PTPRA: variants seen among roughly 807,000 people sequenced by gnomAD.
PTPRA encodes protein tyrosine phosphatase receptor type A, also known as receptor-type tyrosine-protein phosphatase alpha.
Under a neutral mutation model 104.8 loss-of-function variants are expected in PTPRA, and 25 were observed. The observed-to-expected ratio is 0.24, with a 90% CI of 0.17 to 0.33. The LOEUF (loss-of-function observed/expected upper bound fraction) is 0.33, where lower values mean the gene tolerates loss of function less well. PTPRA is among the 10% of genes least tolerant of loss of function. The probability of loss-of-function intolerance (pLI) is 1.00; values close to 1 mark genes in which losing one functional copy is unlikely to be tolerated. For synonymous variants in PTPRA, 323 were observed against 368.9 expected, an observed-to-expected ratio of 0.88 and a Z score of 1.43; for missense variants, 765 against 1,015.3, an observed-to-expected ratio of 0.75 and a Z score of 3.35.
At chr20:3,002,493 AT>A (rs1439802306) in intron 9 of PTPRA, among the ~76,000 whole-genome samples, 4 of 151,852 alleles carry the variant, frequency 2.6e-5, no homozygotes, top group African/African-American at 9.7e-5. Context: ...TACCTGGCTA[AT>A]TTTTTGTATT....
At chr20:3,001,398 GA>G (rs1350520681) in intron 9 of PTPRA, among the ~76,000 whole-genome samples, 2 of 152,222 alleles carry the variant, frequency 1.3e-5, no homozygotes, top group African/African-American at 4.8e-5. Context: ...TAGGGATGCT[GA>G]TAGGGCTGTG....
rs2148435776 is a variant in PTPRA, at chr20:3,022,417, C to T, written c.1328+197C>T. 6.6e-6 allele frequency among the ~76,000 whole-genome samples: 1 copy of T among 152,256 alleles called. No individual in the cohort carries two copies. The highest frequency in any genetic ancestry group is 2.1e-4 in the South Asian group (1 of 4,828). Reference sequence around the variant, plus strand: ...ACTTGAGGAAGGAGGGTAGGGCAGTCCTCCAAGATTAGGAGTTGGGAGACC... The same window carrying T: ...ACTTGAGGAAGGAGGGTAGGGCAGTTCTCCAAGATTAGGAGTTGGGAGACC... On this transcript the variant is annotated intron_variant, in intron 15 of 23. Transcript: ENST00000399903. The surrounding 1 kb of genome is among the most constrained non-coding windows in gnomAD (Gnocchi z 4.6).
the PTPRA span, chr20:2,864,375 G>C: frequency 6.2e-7 from 1 of 1,614,220 alleles, no homozygotes; most frequent in Non-Finnish European, 8.5e-7. This position sits in a 1 kb window ranked among gnomAD's most constrained non-coding sequence, Gnocchi z 5.2. Context: ...TGTTCACGGT[G>C]TTGCTGCACC....
chr20:2,864,356 C>T, the PTPRA span: 3 of 1,614,158 alleles, frequency 1.9e-6, no homozygotes, highest in South Asian at 3.3e-5. The surrounding 1 kb of genome is among the most constrained non-coding windows in gnomAD (Gnocchi z 5.2). Context: ...CCACCTTACT[C>T]TCCTGCAGTG....
chr20:2,942,426 T>A (rs1409424569), intron 2 of PTPRA, among the ~76,000 whole-genome samples: 1 of 152,146 alleles, frequency 6.6e-6, no homozygotes, highest in Non-Finnish European at 1.5e-5. Flanking sequence ...ATTTTCAACT[T>A]TTCTATATCC....
In PTPRA at chr20:2,954,575, G is replaced by C. The variant is rs370407759; in HGVS notation, c.-7+6551G>C. Among the ~76,000 whole-genome samples, 37 of 152,278 alleles carry C rather than the reference G, an allele frequency of 2.4e-4. 1 individual carries two copies. The South Asian group carries it at 7.2e-3, about 30-fold the overall frequency. On this transcript the variant is annotated intron_variant, in intron 3 of 23. Transcript: ENST00000399903. The stretch of plus-strand genomic sequence containing the variant: ...TTTTTGTTGTTGTTGAGTTGTAGGA[G>C]CTCTTTGTATATTCTGCATTTCGGT...
At chr20:2,865,021 C>T in the PTPRA span, 37 of 1,614,028 alleles carry the variant, frequency 2.3e-5, no homozygotes, top group South Asian at 4.1e-4. The surrounding 1 kb of genome is among the most constrained non-coding windows in gnomAD (Gnocchi z 5.2). Flanking sequence ...GCCGCCGATG[C>T]CTTCTACAAG....
intron 2 of PTPRA, among the ~76,000 whole-genome samples, chr20:2,936,896 A>G (rs917291256): frequency 2.0e-5 from 3 of 151,882 alleles, no homozygotes; most frequent in African/African-American, 4.8e-5. Context: ...TGTTTCATTC[A>G]TTATTTTTGT....
At position 2,980,442 on chromosome 20, in the gene PTPRA, T is replaced by C. The variant is rs139612868; in HGVS notation, c.442+5201T>C. On this transcript the variant is annotated intron_variant, in intron 6 of 23. Coordinates refer to ENST00000399903, the MANE Select transcript of PTPRA (RefSeq NM_001385305.1). ...ACTTAGCCAGGCCTGCAGTTCCAGC[T>C]ACTAGGGAGGCTAAGGTGTGAGGAT... 1.3e-4 allele frequency among the ~76,000 whole-genome samples: 19 copies of C among 151,900 alleles called. No individual in the cohort carries two copies. In the East Asian group the frequency reaches 3.8e-3, roughly 30 times the overall value.
chr20:2,908,191 T>C (rs2059495441), intron 1 of PTPRA, among the ~76,000 whole-genome samples: 1 of 152,220 alleles, frequency 6.6e-6, no homozygotes, highest in African/African-American at 2.4e-5. Context: ...TTTCTGACCA[T>C]TGCTTTCCTG....
intron 2 of PTPRA, among the ~76,000 whole-genome samples, chr20:2,929,494 T>C (rs2060431268): frequency 6.6e-6 from 1 of 152,326 alleles, no homozygotes; most frequent in South Asian, 2.1e-4. Flanking sequence ...TTTTATGTAC[T>C]GATATTTAAG....
At chr20:2,895,941 A>G (rs953120281) in intron 1 of PTPRA, among the ~76,000 whole-genome samples, 1 of 152,184 alleles carries the variant, frequency 6.6e-6, no homozygotes, top group African/African-American at 2.4e-5. Flanking sequence ...TTTTTCAATA[A>G]GAGATCAGGC....
chr20:2,905,137 T>G (rs1357076192), intron 1 of PTPRA, among the ~76,000 whole-genome samples: 1 of 152,116 alleles, frequency 6.6e-6, no homozygotes, highest in Non-Finnish European at 1.5e-5. Context: ...GGTTGTGTGC[T>G]CCTTATGAGA....
At chr20:2,997,095 G>A (rs916173069) in intron 9 of PTPRA, among the ~76,000 whole-genome samples, 22 of 151,858 alleles carry the variant, frequency 1.4e-4, no homozygotes, top group African/African-American at 4.8e-4. Context: ...AAATAAATGT[G>A]TTCACATAGA....
chr20:2,895,095 TAGAC>T (rs988932246), intron 1 of PTPRA, among the ~76,000 whole-genome samples: 1 of 151,714 alleles, frequency 6.6e-6, no homozygotes, highest in African/African-American at 2.4e-5. Flanking sequence ...TTATTTATTT[TAGAC>T]AGAGTCTTGA....
intron 13 of PTPRA, among the ~76,000 whole-genome samples, chr20:3,020,588 T>C (rs1378032748): frequency 6.6e-6 from 1 of 152,240 alleles, no homozygotes; most frequent in Admixed American, 6.5e-5. Context: ...CTTTTCCTTT[T>C]GTGGCTACCA....
chr20:3,018,830 C>T (rs1180881156), intron 13 of PTPRA, among the ~76,000 whole-genome samples: 1 of 82,530 alleles, frequency 1.2e-5, no homozygotes, highest in Non-Finnish European at 2.2e-5. Context: ...ACCTCCCGGA[C>T]AGGGCGGCTG....
intron 3 of PTPRA, among the ~76,000 whole-genome samples, chr20:2,960,435 G>T (rs1024987822): frequency 1.6e-4 from 25 of 151,940 alleles, no homozygotes; most frequent in Admixed American, 1.0e-3. Flanking sequence ...ATTTGTAGTA[G>T]AGACGGGGTT....
chr20:2,907,895 CT>C (rs1482975126), intron 1 of PTPRA, among the ~76,000 whole-genome samples: 2 of 151,568 alleles, frequency 1.3e-5, no homozygotes, highest in East Asian at 1.9e-4. Context: ...GGCTAATAGT[CT>C]TTTTTTCTTT....
Sources: allele counts gnomAD v4.1 joint callset (sites outside exome capture counted in the v4.1 genomes callset), GRCh38; gene constraint gnomAD v4.1.1; non-coding constraint Gnocchi (gnomAD v3.1); transcripts MANE v1.5; gene names NCBI Gene and HGNC (gene_info 2026-07-23, HGNC 2026-07-21).